EMC8: variants seen among roughly 807,000 people sequenced by gnomAD.
EMC8 encodes the protein ER membrane protein complex subunit 8.
EMC8 carries 11 observed loss-of-function variants against 24.3 expected under a neutral mutation model. The ratio of observed to expected loss-of-function variants is 0.45; its 90% CI spans 0.28 to 0.75. The LOEUF (loss-of-function observed/expected upper bound fraction) is 0.75, where lower values mean the gene tolerates loss of function less well. EMC8 is among the 30% of genes least tolerant of loss of function. The pLI, the probability that EMC8 is intolerant of heterozygous loss-of-function variation, is 0.12. For synonymous variants in EMC8, 145 were observed against 117.7 expected, an observed-to-expected ratio of 1.23 and a Z score of -1.50; for missense variants, 277 against 282.7, an observed-to-expected ratio of 0.98 and a Z score of 0.14.
intron 1 of EMC8, among the ~76,000 whole-genome samples, chr16:85,798,433 C>A (rs940959054): frequency 2.6e-5 from 4 of 152,090 alleles, no homozygotes; most frequent in Admixed American, 6.6e-5. Context: ...CACAGAAATT[C>A]TTTAGCTTTT....
At chr16:85,782,033 G>C (rs1357320525) in intron 2 of EMC8, 3 of 152,304 alleles carry the variant, frequency 2.0e-5, no homozygotes, top group South Asian at 4.1e-4. Context: ...GAAAGCCCTG[G>C]TGACGGGGAT....
rs908365219 is a variant in EMC8, at chr16:85,794,493, C to T, written c.231+4572G>A. Among the ~76,000 whole-genome samples, 9 of 152,062 alleles carry T rather than the reference C, an allele frequency of 5.9e-5. No individual in the cohort carries two copies. In the East Asian group the frequency reaches 1.5e-3, roughly 26 times the overall value. ...TGCCTGAGCTCAGGAGATCGAGACC[C>T]GCCTGGGTGACACGGTGAAACCTTG... On this transcript the variant is annotated intron_variant, in intron 1 of 4. Transcript: ENST00000253457.
chr16:85,792,804 C>A (rs1905074469), intron 1 of EMC8: 2 of 152,224 alleles, frequency 1.3e-5, no homozygotes, highest in Admixed American at 1.3e-4. Flanking sequence ...CAAGGCACAG[C>A]CGAGAAGCCA....
chr16:85,787,174 C>T (rs1445098086), intron 2 of EMC8, among the ~76,000 whole-genome samples: 1 of 152,214 alleles, frequency 6.6e-6, no homozygotes, highest in Non-Finnish European at 1.5e-5. Context: ...CATCTCCCTC[C>T]ATGTGGGCAC....
intron 2 of EMC8, among the ~76,000 whole-genome samples, chr16:85,783,506 T>C (rs1034331177): frequency 9.2e-5 from 14 of 152,096 alleles, no homozygotes; most frequent in African/African-American, 3.4e-4. Context: ...TGAACTAAAT[T>C]TTCCTAAAAC....
intron 1 of EMC8, among the ~76,000 whole-genome samples, chr16:85,794,612 C>T (rs912911680): frequency 2.0e-5 from 3 of 152,144 alleles, no homozygotes; most frequent in South Asian, 4.1e-4. Context: ...TCGCTTGAAC[C>T]TGAGAGGCCA....
At position 85,781,169 on chromosome 16, in the gene EMC8, G is replaced by C; in HGVS notation, c.378+42C>G. On this transcript the variant is annotated intron_variant, in intron 3 of 4. Transcript: ENST00000253457. ...AGAGCAAGCTCCAGGTTGGTGAGAGGAGGCGCAAGGGCCTCCCACATGCTG... is the reference window on the plus strand; with the variant it reads ...AGAGCAAGCTCCAGGTTGGTGAGAGCAGGCGCAAGGGCCTCCCACATGCTG... The C allele has an allele frequency of 2.1e-6, 3 of 1,461,816 alleles. No homozygotes were observed. The South Asian group carries it at 3.4e-5, about 17-fold the overall frequency. The allele number at this position is 1,461,816 out of a possible 1,614,324, so 90.6% of individuals were successfully genotyped here.
chr16:85,798,231 CT>C (rs1905352582), intron 1 of EMC8, among the ~76,000 whole-genome samples: 1 of 140,338 alleles, frequency 7.1e-6, no homozygotes, highest in Non-Finnish European at 1.5e-5. Flanking sequence ...AAGCGATTCT[CT>C]TGCCTCAGCC....
intron 1 of EMC8, among the ~76,000 whole-genome samples, chr16:85,794,218 C>T (rs1011329105): frequency 2.0e-5 from 3 of 152,116 alleles, no homozygotes; most frequent in Non-Finnish European, 4.4e-5. Flanking sequence ...TAGGAAGTCA[C>T]TAAGTCAAAA....
intron 3 of EMC8, 64 bp downstream of exon 3, chr16:85,781,147 G>A (rs773480373): frequency 5.0e-6 from 6 of 1,190,766 alleles, no homozygotes; most frequent in Non-Finnish European, 6.3e-6. Context: ...CCGCCGCAGA[G>A]CAAGCTCCAG....
intron 1 of EMC8, among the ~76,000 whole-genome samples, chr16:85,796,276 G>A (rs1176816082): frequency 1.3e-5 from 2 of 151,988 alleles, no homozygotes; most frequent in Admixed American, 6.6e-5. Flanking sequence ...TCGTCCCAGC[G>A]CACAAGCCAG....
At position 85,799,045 on chromosome 16, in the gene EMC8, G is replaced by A. The variant is rs1481468453; in HGVS notation, c.231+20C>T. 1 of 1,493,846 alleles carries A rather than the reference G, an allele frequency of 6.7e-7. No individual in the cohort carries two copies. The highest frequency in any genetic ancestry group is 9.1e-7 in the Non-Finnish European group (1 of 1,100,270). The allele number at this position is 1,493,846 out of a possible 1,614,324, so 92.5% of individuals were successfully genotyped here. ...GAGGCCAGGCTGCCTGCAAGGGGAA[G>A]GGGCCCTTTCCGCGCTTACCAGGGT... On this transcript the variant is annotated intron_variant, in intron 1 of 4. Transcript: ENST00000253457. This position sits in a 1 kb window ranked among gnomAD's most constrained non-coding sequence, Gnocchi z 4.2.
Position 85,781,285 on chromosome 16 carries a change from CAA to C in EMC8, c.309-7_309-6del. 6.9e-7 allele frequency: 1 copy of C among 1,439,070 alleles called. No homozygotes were observed. The highest frequency in any genetic ancestry group is 9.2e-7 in the Non-Finnish European group (1 of 1,091,188). 89.1% of individuals were successfully genotyped at this position (1,439,070 alleles called of 1,614,324 possible). On this transcript the variant is annotated splice_polypyrimidine_tract_variant and splice_region_variant and intron_variant, in intron 2 of 4. Coordinates refer to ENST00000253457, the MANE Select transcript of EMC8 (RefSeq NM_006067.5). ...TTCTCTGCAACCTGGTTTGGACTGT[CAA>C]AGAAATAGGCTACCACATTCCAGTT...
Position 85,799,167 on chromosome 16 carries a change from G to C in EMC8, c.129C>G (p.Pro43=), listed in dbSNP as rs1038424396. 3 of 1,610,906 alleles carry C rather than the reference G, an allele frequency of 1.9e-6. No homozygotes were observed. In the African/African-American group the frequency reaches 4.0e-5, roughly 22 times the overall value. ...TGTGGTGGGCGCCGGGGCCGCCCAG[G>C]GGGAGGTGCTCCTTACGCGGCTTCT... is the stretch of plus-strand genomic sequence containing the variant. ...EKQKPRKEHL[P]LGGPGAHHTL... Residue 43 remains proline, a synonymous_variant, in exon 1 of 5, where the codon CCC becomes CCG. Coordinates refer to ENST00000253457, the MANE Select transcript of EMC8 (RefSeq NM_006067.5). The surrounding 1 kb of genome is among the most constrained non-coding windows in gnomAD (Gnocchi z 4.2).
Position 85,788,990 on chromosome 16 carries a change from G to A in EMC8, c.292C>T (p.Arg98Ter). 3 of 1,612,854 alleles carry A rather than the reference G, an allele frequency of 1.9e-6. No individual in the cohort carries two copies. The highest frequency in any genetic ancestry group is 2.5e-6 in the Non-Finnish European group (3 of 1,178,890). Residue 98 changes from arginine (R) to a stop codon, truncating the protein, a stop_gained, in exon 2 of 5, where the codon CGA becomes TGA. Transcript: ENST00000253457. LOFTEE classifies it high-confidence loss of function. ...VIAGYYQANE[R>*]VKDASPNQVA... ...TCCACGTACCTGGCATCCTTTACTC[G>A]CTCATTAGCTTGATAATAACCAGCA...
At chr16:85,788,705 G>A (rs531709554) in intron 2 of EMC8, among the ~76,000 whole-genome samples, 2 of 152,184 alleles carry the variant, frequency 1.3e-5, no homozygotes, top group Admixed American at 6.5e-5. Context: ...GACAGAAGTC[G>A]GAAGCCAACT....
intron 2 of EMC8, among the ~76,000 whole-genome samples, chr16:85,785,472 A>C (rs1904710925): frequency 1.3e-5 from 2 of 152,160 alleles, no homozygotes; most frequent in South Asian, 4.1e-4. Context: ...CAGGAGCCTG[A>C]GACAGCAGAA....
intron 2 of EMC8, 163 bp downstream of exon 2, chr16:85,788,811 G>A (rs140503322): frequency 6.4e-6 from 4 of 627,110 alleles, no homozygotes; most frequent in East Asian, 5.7e-5. Flanking sequence ...TCTGTTGTTT[G>A]GAATTATCCA....
At position 85,799,493 on chromosome 16, in the gene EMC8, AG is replaced by A; in HGVS notation, c.-199del. ...GGAAAAGCGACTCGCGCCTCTGGGA[AG>A]CCGCAGCCCCAGACTCCAGTCGCGC... On this transcript the variant is annotated 5_prime_UTR_variant, in exon 1 of 5. Coordinates refer to ENST00000253457, the MANE Select transcript of EMC8 (RefSeq NM_006067.5). This position sits in a 1 kb window ranked among gnomAD's most constrained non-coding sequence, Gnocchi z 4.2. The A allele has an allele frequency of 2.5e-6, 1 of 399,034 alleles. No homozygotes were observed. The highest frequency in any genetic ancestry group is 4.4e-6 in the Non-Finnish European group (1 of 227,578). The allele number at this position is 399,034 out of a possible 1,614,324, so 24.7% of individuals were successfully genotyped here.
Sources: allele counts gnomAD v4.1 joint callset (sites outside exome capture counted in the v4.1 genomes callset), GRCh38; gene constraint gnomAD v4.1.1; non-coding constraint Gnocchi (gnomAD v3.1); transcripts MANE v1.5; gene names NCBI Gene and HGNC (gene_info 2026-07-23, HGNC 2026-07-21).